The following TMC3 variants were observed in gnomAD, a reference collection of about 807,000 sequenced individuals.
TMC3 encodes the protein transmembrane channel like 3.
A neutral mutation model predicts 110.6 loss-of-function variants in TMC3; 98 were observed. The ratio of observed to expected loss-of-function variants is 0.89; its 90% CI spans 0.75 to 1.05. The LOEUF is 1.05. Among genes scored for constraint, TMC3 ranks in the 50% least tolerant of loss-of-function variants. TMC3 has a pLI of 0.00. For missense variants in TMC3, 1,319 were observed against 1,373.2 expected, an observed-to-expected ratio of 0.96 and a Z score of 0.62; for synonymous variants, 489 against 513.1, an observed-to-expected ratio of 0.95 and a Z score of 0.63.
chr15:81,345,810 G>A (rs1227267392), intron 12 of TMC3, among the ~76,000 whole-genome samples: 2 of 152,042 alleles, frequency 1.3e-5, no homozygotes, highest in African/African-American at 4.8e-5. Context: ...TAGGGAGGTT[G>A]AGGCTGCAGT....
At chr15:81,368,691 A>T (rs1343110688) in intron 2 of TMC3, among the ~76,000 whole-genome samples, 2 of 152,148 alleles carry the variant, frequency 1.3e-5, no homozygotes, top group African/African-American at 4.8e-5. Context: ...TTCACTTAGC[A>T]ATTTTCCTCT....
In TMC3 at chr15:81,356,552, A is replaced by T. The variant is rs1894066780; in HGVS notation, c.786T>A (p.Asn262Lys). The T allele has an allele frequency of 1.9e-6, 3 of 1,586,596 alleles. No individual in the cohort carries two copies. The highest frequency in any genetic ancestry group is 2.6e-6 in the Non-Finnish European group (3 of 1,166,340). Residue 262 changes from asparagine (N) to lysine (K), a missense_variant, in exon 8 of 22, where the codon AAT becomes AAA. By Grantham distance (94) the Asn-to-Lys change is moderately conservative. Coordinates refer to ENST00000359440, the MANE Select transcript of TMC3 (RefSeq NM_001080532.3). The part of the protein sequence containing the change: ...NSRTSLASAS[N>K]ENYTFCWRVF... ...CCCGCCAGCAGAAGGTATAGTTTTC[A>T]TTGGAAGCACTGGCAAGACTCGTGC...
chr15:81,365,513 A>T lies in TMC3; in HGVS notation c.312+2740T>A, dbSNP rs367688931. Among the ~76,000 whole-genome samples, 4 of 152,098 alleles carry T rather than the reference A, an allele frequency of 2.6e-5. No homozygotes were observed. In the East Asian group the frequency reaches 5.8e-4, roughly 22 times the overall value. On this transcript the variant is annotated intron_variant, in intron 3 of 21. Coordinates refer to ENST00000359440, the MANE Select transcript of TMC3 (RefSeq NM_001080532.3). ...TGGTGAAACCCCATCTCTACTAAAAATACAAAAATTAGCCAGGCGTGGTGG... is the reference window on the plus strand; with the variant it reads ...TGGTGAAACCCCATCTCTACTAAAATTACAAAAATTAGCCAGGCGTGGTGG...
intron 9 of TMC3, 143 bp downstream of exon 9, chr15:81,355,582 C>G (rs1894042229): frequency 7.9e-6 from 5 of 632,356 alleles, no homozygotes; most frequent in Non-Finnish European, 1.1e-5. Context: ...TCATTCAGTT[C>G]CCTCAGATCA....
chr15:81,357,376 T>C (rs1163727692), intron 7 of TMC3, among the ~76,000 whole-genome samples: 1 of 151,674 alleles, frequency 6.6e-6, no homozygotes, highest in Non-Finnish European at 1.5e-5. Context: ...CAATGAAGGG[T>C]GGTTACACAA....
At position 81,341,490 on chromosome 15, in the gene TMC3, G is replaced by T; in HGVS notation, c.1744C>A (p.Pro582Thr). ...WMGAFFSPCLPAFNVLKLIGL... is the reference protein window; with the variant it reads ...WMGAFFSPCLTAFNVLKLIGL... ...ATGAGTTTGAGAACGTTGAACGCTG[G>T]GAGACATGGGGAGAAGAAGGCCCCC... Residue 582 changes from proline to threonine, a missense_variant, in exon 16 of 22, where the codon CCA becomes ACA. Transcript: ENST00000359440. 6.2e-7 allele frequency: 1 copy of T among 1,610,756 alleles called. No homozygotes were observed. The highest frequency in any genetic ancestry group is 8.5e-7 in the Non-Finnish European group (1 of 1,178,428).
At chr15:81,347,305 C>A (rs557690068) in intron 11 of TMC3, among the ~76,000 whole-genome samples, 10 of 152,330 alleles carry the variant, frequency 6.6e-5, no homozygotes, top group African/African-American at 2.4e-4. Flanking sequence ...GCATCTTTAT[C>A]TTGAGGAAAA....
chr15:81,344,108 C>T, intron 13 of TMC3, 63 bp from the exon 14 acceptor site: 1 of 1,555,520 alleles, frequency 6.4e-7, no homozygotes, highest in Non-Finnish European at 8.7e-7. Flanking sequence ...ACTCTTCCTT[C>T]AGGGTGCTCC....
In TMC3 at chr15:81,332,614, T is replaced by C. The variant is rs762975447; in HGVS notation, c.3108A>G (p.Pro1036=). ...LKPRGKPRFE[P]SLTESDSVSA... is the part of the protein sequence containing the mutation. The stretch of plus-strand genomic sequence containing the variant: ...ACACGGAGTCAGATTCCGTGAGGGA[T>C]GGCTCGAACCTGGGCTTCCCTCTGG... The change falls in exon 22 of 22, where the codon CCA becomes CCG. Residue 1036 remains proline, a synonymous_variant. Transcript: ENST00000359440. The C allele has an allele frequency of 3.0e-5, 48 of 1,613,878 alleles. No homozygotes were observed. The East Asian group carries it at 9.8e-4, about 33-fold the overall frequency.
chr15:81,337,988 A>G (rs1432684212), intron 18 of TMC3, 64 bp from the exon 19 acceptor site: 14 of 1,309,068 alleles, frequency 1.1e-5, no homozygotes, highest in African/African-American at 1.5e-5. Context: ...TTCAGACCAC[A>G]TTCCCTGCAG....
chr15:81,373,075 T>C (rs1162493049), intron 1 of TMC3, among the ~76,000 whole-genome samples: 1 of 152,216 alleles, frequency 6.6e-6, no homozygotes, highest in African/African-American at 2.4e-5. Context: ...CTTGGATTCC[T>C]GAGTAGCAGC....
In TMC3 at chr15:81,343,996, A is replaced by C. The variant is rs912421835; in HGVS notation, c.1568T>G (p.Ile523Ser). The C allele has an allele frequency of 5.0e-6, 8 of 1,613,084 alleles. No homozygotes were observed. Among genetic ancestry groups the C allele is most frequent in the Non-Finnish European group, 6.8e-6 (8 of 1,179,464 alleles). The change falls in exon 14 of 22, where the codon ATT (isoleucine) becomes AGT (serine). Residue 523 changes from isoleucine (I) to serine (S), a missense_variant. By Grantham distance (142) the Ile-to-Ser change is moderately radical. Coordinates refer to ENST00000359440, the MANE Select transcript of TMC3 (RefSeq NM_001080532.3). Reference sequence around the variant, plus strand: ...TCCTCGGAAGAAGTCTATGAGCAGAATGCTCGCCACGGTGAAGAGCATGTC... The same window carrying C: ...TCCTCGGAAGAAGTCTATGAGCAGACTGCTCGCCACGGTGAAGAGCATGTC... Reference protein sequence around the residue: ...IIDMLFTVASILLIDFFRGLF... With the variant: ...IIDMLFTVASSLLIDFFRGLF...
intron 2 of TMC3, among the ~76,000 whole-genome samples, chr15:81,369,074 A>G (rs1019787765): frequency 5.3e-5 from 8 of 152,094 alleles, no homozygotes; most frequent in African/African-American, 1.9e-4. Flanking sequence ...AGAGATGCTC[A>G]TTATCTGATG....
intron 3 of TMC3, among the ~76,000 whole-genome samples, chr15:81,363,852 G>T (rs1459903802): frequency 6.6e-6 from 1 of 152,194 alleles, no homozygotes; most frequent in Non-Finnish European, 1.5e-5. Context: ...CGAGGAAGGG[G>T]TGCACCATCA....
chr15:81,364,284 G>T (rs1894256535), intron 3 of TMC3, among the ~76,000 whole-genome samples: 1 of 152,078 alleles, frequency 6.6e-6, no homozygotes. Context: ...ATGCAAGTTG[G>T]CCTAAAGGAA....
intron 16 of TMC3, 23 bp downstream of exon 16, chr15:81,341,367 G>A: frequency 1.3e-6 from 2 of 1,598,978 alleles, no homozygotes; most frequent in South Asian, 2.3e-5. Flanking sequence ...TTATCTGCAT[G>A]ATCAGATCTT....
intron 2 of TMC3, among the ~76,000 whole-genome samples, chr15:81,368,682 T>C (rs28417855): frequency 0.43 from 65,293 of 151,964 alleles, 16,050 homozygotes; most frequent in African/African-American, 0.66. Flanking sequence ...CTCGGCCTCT[T>C]CACTTAGCAA....
At chr15:81,352,311 G>A (rs902187261) in intron 9 of TMC3, among the ~76,000 whole-genome samples, 3 of 152,164 alleles carry the variant, frequency 2.0e-5, no homozygotes, top group African/African-American at 4.8e-5. Flanking sequence ...GTCATGTGCC[G>A]CATAATGGCA....
At chr15:81,352,821 G>T (rs574343193) in intron 9 of TMC3, among the ~76,000 whole-genome samples, 1 of 151,990 alleles carries the variant, frequency 6.6e-6, no homozygotes, top group African/African-American at 2.4e-5. Context: ...TTTGTTTTTT[G>T]TTTGTTTGTT....
Sources: gnomAD v4.1 joint callset for allele counts (sites outside exome capture counted in the v4.1 genomes callset) on GRCh38, gnomAD v4.1.1 for gene constraint, MANE v1.5 for transcripts, NCBI Gene and HGNC (gene_info 2026-07-23, HGNC 2026-07-21) for gene names.